The following MAP2K2 variants were observed in gnomAD, a reference collection of about 807,000 sequenced individuals.
The protein encoded by MAP2K2 is mitogen-activated protein kinase kinase 2.
Under a neutral mutation model 43.7 loss-of-function variants are expected in MAP2K2, and 24 were observed. That is an observed-to-expected ratio of 0.55 (90% CI 0.40 to 0.77). The LOEUF (loss-of-function observed/expected upper bound fraction) is 0.77, where lower values mean the gene tolerates loss of function less well. Among genes scored for constraint, MAP2K2 ranks in the 30% least tolerant of loss-of-function variants. MAP2K2 has a pLI of 0.00. For synonymous variants in MAP2K2, 244 were observed against 239.7 expected, an observed-to-expected ratio of 1.02 and a Z score of -0.17; for missense variants, 470 against 566.8, an observed-to-expected ratio of 0.83 and a Z score of 1.73.
At chr19:4,117,291 G>C in intron 2 of MAP2K2, 128 bp downstream of exon 2, 6 of 899,150 alleles carry the variant, frequency 6.7e-6, no homozygotes, top group Non-Finnish European at 1.0e-5. Flanking sequence ...AGAGTCCCTG[G>C]TGGGGATGAG....
At position 4,102,234 on chromosome 19, in the gene MAP2K2, G is replaced by A. The variant is rs187231723; in HGVS notation, c.528+142C>T. 2.5e-4 allele frequency: 181 copies of A among 728,112 alleles called. No individual in the cohort carries two copies. The Middle Eastern group carries it at 3.5e-3, about 14-fold the overall frequency. The allele number at this position is 728,112 out of a possible 1,614,324, so 45.1% of individuals were successfully genotyped here. ...CACTTGTTCAAGCTCCACAGCAGGT[G>A]GGCACAGCCTTGGCCACTCTCTTTC... On this transcript the variant is annotated intron_variant, in intron 4 of 10. Transcript: ENST00000262948.
intron 1 of MAP2K2, 120 bp from the exon 2 acceptor site, chr19:4,117,749 G>T: frequency 2.3e-6 from 2 of 866,112 alleles, no homozygotes; most frequent in Non-Finnish European, 3.8e-6. Flanking sequence ...GCACTTGAGG[G>T]GTTCATGGTG....
intron 10 of MAP2K2, among the ~76,000 whole-genome samples, chr19:4,093,996 G>A (rs932522154): frequency 1.3e-5 from 2 of 152,142 alleles, no homozygotes; most frequent in African/African-American, 2.4e-5. Context: ...GGCTTCCGAG[G>A]ATATCAGAGG....
At chr19:4,112,179 G>A (rs1202699614) in intron 2 of MAP2K2, among the ~76,000 whole-genome samples, 1 of 152,238 alleles carries the variant, frequency 6.6e-6, no homozygotes. Flanking sequence ...CAGAGGCAAA[G>A]CCAGGCCCAG....
intron 3 of MAP2K2, among the ~76,000 whole-genome samples, chr19:4,108,989 GC>G (rs2041123216): frequency 6.6e-6 from 1 of 152,222 alleles, no homozygotes; most frequent in African/African-American, 2.4e-5. Flanking sequence ...TCCCTCGCAG[GC>G]GGGAAAGGGG....
At position 4,115,610 on chromosome 19, in the gene MAP2K2, C is replaced by T. The variant is rs1039492995; in HGVS notation, c.303+1809G>A. 2.0e-5 allele frequency among the ~76,000 whole-genome samples: 3 copies of T among 152,158 alleles called. No homozygotes were observed. Among genetic ancestry groups the T allele is most frequent in the Non-Finnish European group, 2.9e-5 (2 of 68,030 alleles). On this transcript the variant is annotated intron_variant, in intron 2 of 10. Coordinates refer to ENST00000262948, the MANE Select transcript of MAP2K2 (RefSeq NM_030662.4). The surrounding 1 kb of genome is among the most constrained non-coding windows in gnomAD (Gnocchi z 4.1). ...AGTACGGGGACAGAAATAGCAAGTC[C>T]GCGGCTGCACACTTCAGGAGGGAGG...
At chr19:4,113,946 A>G (rs1307192877) in intron 2 of MAP2K2, among the ~76,000 whole-genome samples, 1 of 152,220 alleles carries the variant, frequency 6.6e-6, no homozygotes, top group East Asian at 1.9e-4. Flanking sequence ...TGTAGCCAAG[A>G]GTCACGTGCA....
intron 9 of MAP2K2, 59 bp downstream of exon 9, chr19:4,095,329 C>A: frequency 2.7e-6 from 4 of 1,500,744 alleles, no homozygotes; most frequent in Non-Finnish European, 3.6e-6. Context: ...ACCCAGGACC[C>A]GGAAGGAGTG....
At chr19:4,099,669 A>G in intron 6 of MAP2K2, 1 of 537,206 alleles carries the variant, frequency 1.9e-6, no homozygotes, top group South Asian at 2.5e-5. Context: ...AATGCTCAGC[A>G]CTTTTGGGAA....
chr19:4,096,195 G>A (rs893173459), intron 8 of MAP2K2, among the ~76,000 whole-genome samples: 3 of 152,242 alleles, frequency 2.0e-5, no homozygotes, highest in African/African-American at 7.2e-5. Flanking sequence ...CCCGCGCAGG[G>A]GCAGGGGCGG....
At chr19:4,102,744 C>G in intron 3 of MAP2K2, 1 of 1,301,608 alleles carries the variant, frequency 7.7e-7, no homozygotes, top group South Asian at 1.5e-5. Flanking sequence ...ACGGCAGAGG[C>G]TCTGCTCCGG....
In MAP2K2 at chr19:4,102,369, G is replaced by C. The variant is rs774589111; in HGVS notation, c.528+7C>G. ...GGGGGCGCGATGTGGGTCTGCGGTG[G>C]ACTCACCGCGATGCTGACTTTCCCC... is the stretch of plus-strand genomic sequence containing the variant. On this transcript the variant is annotated splice_region_variant and intron_variant, in intron 4 of 10. Coordinates refer to ENST00000262948, the MANE Select transcript of MAP2K2 (RefSeq NM_030662.4). The C allele has an allele frequency of 3.8e-6, 6 of 1,591,524 alleles. No individual in the cohort carries two copies. In the South Asian group the frequency reaches 4.5e-5, roughly 12 times the overall value.
intron 7 of MAP2K2, among the ~76,000 whole-genome samples, chr19:4,098,354 C>A (rs773692660): frequency 1.1e-4 from 16 of 152,128 alleles, no homozygotes; most frequent in African/African-American, 2.2e-4. Context: ...GGTGATGGGG[C>A]GCAGCACTGT....
chr19:4,116,142 A>G (rs372451203), intron 2 of MAP2K2, among the ~76,000 whole-genome samples: 60 of 152,250 alleles, frequency 3.9e-4, no homozygotes, highest in Middle Eastern at 3.4e-3. Flanking sequence ...GTATGTTTTT[A>G]AGATGTGATT....
intron 3 of MAP2K2, among the ~76,000 whole-genome samples, chr19:4,105,155 C>CGTGTGTGTGTGTGTGTGT (rs61710801): frequency 1.7e-4 from 24 of 137,750 alleles, no homozygotes; most frequent in African/African-American, 6.8e-4. Flanking sequence ...ACACGTCTAC[C>CGTGTGTGTGTGTGTGTGT]GTGTGTGTGT....
chr19:4,120,243 C>T (rs749697948), intron 1 of MAP2K2, among the ~76,000 whole-genome samples: 1 of 152,132 alleles, frequency 6.6e-6, no homozygotes, highest in Non-Finnish European at 1.5e-5. Context: ...GCAGAAATGG[C>T]GAGACCCTGG....
At chr19:4,106,933 G>C (rs902447032) in intron 3 of MAP2K2, among the ~76,000 whole-genome samples, 4 of 152,166 alleles carry the variant, frequency 2.6e-5, no homozygotes, top group Non-Finnish European at 5.9e-5. Flanking sequence ...AAGGCCAAGG[G>C]GCACCTCTAC....
intron 7 of MAP2K2, 78 bp from the exon 8 acceptor site, chr19:4,097,421 T>C (rs1364966885): frequency 2.7e-6 from 3 of 1,107,868 alleles, no homozygotes; most frequent in African/African-American, 1.5e-5. Flanking sequence ...CCCAGGGGGC[T>C]GATCACCACC....
At chr19:4,117,720 G>T in intron 1 of MAP2K2, 91 bp from the exon 2 acceptor site, 1 of 1,133,116 alleles carries the variant, frequency 8.8e-7, no homozygotes, top group Non-Finnish European at 1.3e-6. Flanking sequence ...GCCCCCAGGA[G>T]GACACAGACT....
Sources: allele counts gnomAD v4.1 joint callset (sites outside exome capture counted in the v4.1 genomes callset), GRCh38; gene constraint gnomAD v4.1.1; non-coding constraint Gnocchi (gnomAD v3.1); transcripts MANE v1.5; gene names NCBI Gene and HGNC (gene_info 2026-07-23, HGNC 2026-07-21).